The following PAK5 variants were observed in gnomAD, a reference collection of about 807,000 sequenced individuals.
PAK5 encodes the protein p21 (RAC1) activated kinase 5.
In PAK5, 16 loss-of-function variants were observed where a neutral mutation model predicts 65.9. That is an observed-to-expected ratio of 0.24 (90% CI 0.16 to 0.37). The LOEUF is 0.37. Ranked by LOEUF, PAK5 falls within the 10% of genes least tolerant of loss-of-function variation. PAK5 has a pLI of 1.00. For missense variants in PAK5, 785 were observed against 903.9 expected, an observed-to-expected ratio of 0.87 and a Z score of 1.69; for synonymous variants, 371 against 354.9, an observed-to-expected ratio of 1.05 and a Z score of -0.51.
intron 1 of PAK5, among the ~76,000 whole-genome samples, chr20:9,791,748 A>G (rs1316583494): frequency 1.3e-5 from 2 of 152,152 alleles, no homozygotes; most frequent in Non-Finnish European, 2.9e-5. Context: ...TGATAAAGCA[A>G]AGAAGGACTC....
At chr20:9,773,256 T>C (rs546927111) in intron 1 of PAK5, among the ~76,000 whole-genome samples, 1 of 152,308 alleles carries the variant, frequency 6.6e-6, no homozygotes, top group South Asian at 2.1e-4. Flanking sequence ...ATTATCATTA[T>C]ACTTTAAGTT....
chr20:9,778,080 A>T (rs2048904620), intron 1 of PAK5, among the ~76,000 whole-genome samples: 1 of 152,370 alleles, frequency 6.6e-6, no homozygotes, highest in East Asian at 1.9e-4. Flanking sequence ...TTAAAATATT[A>T]ACCAAAAGAA....
At chr20:9,588,844 T>C (rs545089906) in intron 3 of PAK5, among the ~76,000 whole-genome samples, 2 of 152,312 alleles carry the variant, frequency 1.3e-5, no homozygotes, top group African/African-American at 4.8e-5. Flanking sequence ...TGTCTTTCCA[T>C]TGTACCCTGG....
chr20:9,576,156 C>G (rs2045881521), intron 4 of PAK5, among the ~76,000 whole-genome samples: 1 of 152,168 alleles, frequency 6.6e-6, no homozygotes, highest in Non-Finnish European at 1.5e-5. Context: ...AACCCTCATA[C>G]TATATAATGA....
intron 3 of PAK5, among the ~76,000 whole-genome samples, chr20:9,593,549 G>A (rs541663471): frequency 1.3e-5 from 2 of 152,174 alleles, no homozygotes; most frequent in African/African-American, 4.8e-5. Flanking sequence ...TTAGGTATTT[G>A]TCCCAGTGCT....
intron 6 of PAK5, among the ~76,000 whole-genome samples, chr20:9,560,626 T>G (rs1467669109): frequency 6.6e-6 from 1 of 152,192 alleles, no homozygotes; most frequent in Non-Finnish European, 1.5e-5. Flanking sequence ...TCTCCCAAAG[T>G]ATTGAGATTA....
intron 3 of PAK5, among the ~76,000 whole-genome samples, chr20:9,601,859 G>T (rs566217596): frequency 6.6e-6 from 1 of 152,076 alleles, no homozygotes; most frequent in South Asian, 2.1e-4. Flanking sequence ...CCTAAAACCC[G>T]CAGCCAACTC....
intron 1 of PAK5, among the ~76,000 whole-genome samples, chr20:9,780,302 A>T (rs1343207700): frequency 6.6e-6 from 1 of 152,132 alleles, no homozygotes; most frequent in East Asian, 1.9e-4. Flanking sequence ...ATAGGGTGCA[A>T]TTTGGAAAGT....
chr20:9,582,777 A>G (rs1372481520), intron 3 of PAK5, among the ~76,000 whole-genome samples: 1 of 152,046 alleles, frequency 6.6e-6, no homozygotes, highest in African/African-American at 2.4e-5. Context: ...TACTCATTCA[A>G]TCATTTATTT....
intron 1 of PAK5, among the ~76,000 whole-genome samples, chr20:9,719,479 A>T (rs1279543852): frequency 6.6e-6 from 1 of 152,160 alleles, no homozygotes; most frequent in Non-Finnish European, 1.5e-5. Context: ...GAGACAATAG[A>T]AGAATTGAGT....
At chr20:9,717,596 C>T (rs79236346) in intron 1 of PAK5, among the ~76,000 whole-genome samples, 127 of 152,202 alleles carry the variant, frequency 8.3e-4, no homozygotes, top group Non-Finnish European at 1.6e-3. Flanking sequence ...AAGTTTATGC[C>T]ATTTCGTTTT....
At chr20:9,657,893 T>G (rs894900076) in intron 2 of PAK5, among the ~76,000 whole-genome samples, 1 of 152,198 alleles carries the variant, frequency 6.6e-6, no homozygotes, top group Admixed American at 6.5e-5. Flanking sequence ...AAGAGGAGAA[T>G]GAAGTGGTCC....
chr20:9,580,961 G>T, intron 3 of PAK5, 31 bp from the exon 4 acceptor site: 4 of 1,465,054 alleles, frequency 2.7e-6, no homozygotes, highest in African/African-American at 1.4e-5. Flanking sequence ...ATTGTTTAAA[G>T]AAAATATTTC....
chr20:9,628,132 G>A (rs2123215856), intron 3 of PAK5, among the ~76,000 whole-genome samples: 1 of 152,244 alleles, frequency 6.6e-6, no homozygotes, highest in East Asian at 1.9e-4. Context: ...GTGACCATTT[G>A]GTTTGATTCA....
chr20:9,668,891 G>A (rs564931842), intron 2 of PAK5, among the ~76,000 whole-genome samples: 17 of 152,318 alleles, frequency 1.1e-4, no homozygotes, highest in African/African-American at 3.8e-4. Flanking sequence ...GAAGGCACGA[G>A]GAGCCTGCAT....
At position 9,539,444 on chromosome 20, in the gene PAK5, C is replaced by A; in HGVS notation, c.*18G>T. 1 of 1,611,548 alleles carries A rather than the reference C, an allele frequency of 6.2e-7. No homozygotes were observed. Among genetic ancestry groups the A allele is most frequent in the Non-Finnish European group, 8.5e-7 (1 of 1,177,962 alleles). On this transcript the variant is annotated 3_prime_UTR_variant, in exon 10 of 10. Coordinates refer to ENST00000353224, the MANE Select transcript of PAK5 (RefSeq NM_177990.4). ...CTCATGTCCTCATCTAGCTTTGCCA[C>A]CTACACGAATCCTCTGCTCAGTGAT... is the stretch of plus-strand genomic sequence containing the variant.
chr20:9,686,473 G>A (rs2047721019), intron 2 of PAK5, among the ~76,000 whole-genome samples: 1 of 152,124 alleles, frequency 6.6e-6, no homozygotes. Context: ...ATAGCTCACT[G>A]CAGCCTTGAC....
At chr20:9,641,469 G>C (rs6086968) in intron 3 of PAK5, among the ~76,000 whole-genome samples, 8,872 of 39,172 alleles carry the variant, frequency 0.23, 321 homozygotes, top group East Asian at 0.5. Context: ...TACAATCCCT[G>C]AGCTAGACAG....
In PAK5 at chr20:9,566,042, G is replaced by T. The variant is rs2122994788; in HGVS notation, c.1333C>A (p.Pro445Thr). The T allele has an allele frequency of 6.2e-7, 1 of 1,613,758 alleles. No individual in the cohort carries two copies. The highest frequency in any genetic ancestry group is 1.1e-5 in the South Asian group (1 of 91,046). The change falls in exon 5 of 10, where the codon CCC becomes ACC. Residue 445 changes from proline to threonine, a missense_variant. Physicochemically the swap from Pro to Thr is conservative, Grantham distance 38 (BLOSUM62 -1). Transcript: ENST00000353224. Reference protein sequence around the residue: ...ALQLVVSPGDPREYLANFIKI... With the variant: ...ALQLVVSPGDTREYLANFIKI... ...ATAAAGTTGGCCAAGTATTCCCTGGGGTCTCCTGGGCTGACCACCAGCTGC... is the reference window on the plus strand; with the variant it reads ...ATAAAGTTGGCCAAGTATTCCCTGGTGTCTCCTGGGCTGACCACCAGCTGC...
Sources: allele counts gnomAD v4.1 joint callset (sites outside exome capture counted in the v4.1 genomes callset), GRCh38; gene constraint gnomAD v4.1.1; transcripts MANE v1.5; gene names NCBI Gene and HGNC (gene_info 2026-07-23, HGNC 2026-07-21).